DECR2: variants seen among roughly 807,000 people sequenced by gnomAD.
DECR2 encodes the protein 2,4-dienoyl-CoA reductase 2, also known as peroxisomal 2,4-dienoyl-CoA reductase [(3E)-enoyl-CoA-producing].
Under a neutral mutation model 29.2 loss-of-function variants are expected in DECR2, and 34 were observed. The ratio of observed to expected loss-of-function variants is 1.16; its 90% CI spans 0.89 to 1.55. DECR2 has a LOEUF of 1.55. Among genes scored for constraint, DECR2 ranks in the 40% most tolerant of loss-of-function variants. DECR2 has a pLI of 0.00. For synonymous variants in DECR2, 224 were observed against 182.7 expected (o/e 1.23, Z -1.82); for missense variants, 485 against 425.3 (o/e 1.14, Z -1.23).
At chr16:405,528 G>C in intron 2 of DECR2, 7 of 1,304,714 alleles carry the variant, frequency 5.4e-6, no homozygotes, top group Non-Finnish European at 7.1e-6. Context: ...CTGAGGACCA[G>C]ATGGGACATT....
At position 410,282 on chromosome 16, in the gene DECR2, C is replaced by A. The variant is rs2054794902; in HGVS notation, c.377C>A (p.Ser126Tyr). Residue 126 changes from serine to tyrosine, a missense_variant, in exon 5 of 9, where the codon TCC becomes TAC. Transcript: ENST00000219481. The surrounding 1 kb of genome is among the most constrained non-coding windows in gnomAD (Gnocchi z 4.1). ...TTCCTGTGCCCCGCTGGCGCCTTGTCCTTCAACGCCTTCAAGACCGTGATG... is the reference window on the plus strand; with the variant it reads ...TTCCTGTGCCCCGCTGGCGCCTTGTACTTCAACGCCTTCAAGACCGTGATG... ...GNFLCPAGAL[S>Y]FNAFKTVMDI... is the part of the protein sequence containing the mutation. 1.2e-6 allele frequency: 2 copies of A among 1,613,740 alleles called. No homozygotes were observed. Among genetic ancestry groups the A allele is most frequent in the African/African-American group, 2.7e-5 (2 of 75,042 alleles).
In DECR2 at chr16:407,509, G is replaced by GC; in HGVS notation, c.288dup (p.Val97ArgfsTer16). ...CCGAGCGCCCCCAGCTGTCATGGCC[G>GC]CCGTGGACCAGGCTCTGAAGGAGTT... On this transcript the variant is annotated frameshift_variant, in exon 4 of 9. Transcript: ENST00000219481. LOFTEE classifies it high-confidence loss of function. 1 of 1,613,982 alleles carries GC rather than the reference G, an allele frequency of 6.2e-7. No homozygotes were observed. The highest frequency in any genetic ancestry group is 8.5e-7 in the Non-Finnish European group (1 of 1,179,924).
Position 401,890 on chromosome 16 carries a change from C to T in DECR2, c.-74C>T, listed in dbSNP as rs952069797. The T allele has an allele frequency of 1.6e-5, 21 of 1,332,710 alleles. No individual in the cohort carries two copies. The highest frequency in any genetic ancestry group is 2.6e-4 in the Middle Eastern group (1 of 3,778). 82.6% of individuals were successfully genotyped at this position (1,332,710 alleles called of 1,614,324 possible). Reference sequence around the variant, plus strand: ...CGGGGCTCCCGGTTCCAGGCGAGTTCGCAGCTGCGCGCCGGGTCCTGGAGG... The same window carrying T: ...CGGGGCTCCCGGTTCCAGGCGAGTTTGCAGCTGCGCGCCGGGTCCTGGAGG... On this transcript the variant is annotated 5_prime_UTR_variant, in exon 1 of 9. Coordinates refer to ENST00000219481, the MANE Select transcript of DECR2 (RefSeq NM_020664.4).
At position 410,594 on chromosome 16, in the gene DECR2, C is replaced by A; in HGVS notation, c.463-97C>A. On this transcript the variant is annotated intron_variant, in intron 5 of 8. Coordinates refer to ENST00000219481, the MANE Select transcript of DECR2 (RefSeq NM_020664.4). The surrounding 1 kb of genome is among the most constrained non-coding windows in gnomAD (Gnocchi z 4.1). ...GGCCTCCCCCTGACGGCCGCCCGCT[C>A]CCTGCCCCGGGCCTCCCCCTGACAG... 1.4e-6 allele frequency: 2 copies of A among 1,409,194 alleles called. No individual in the cohort carries two copies. The highest frequency in any genetic ancestry group is 1.2e-5 in the South Asian group (1 of 82,038). 87.3% of individuals were successfully genotyped at this position (1,409,194 alleles called of 1,614,324 possible).
rs895106897 is a variant in DECR2 at position 409,417 on chromosome 16, G to T, written c.338-826G>T. ...GATCTCCTGACCTCGTGATCCGCCC[G>T]CCTCAGCCTCCCAAAGTGCTGGGAT... On this transcript the variant is annotated intron_variant, in intron 4 of 8. Coordinates refer to ENST00000219481, the MANE Select transcript of DECR2 (RefSeq NM_020664.4). Among the ~76,000 whole-genome samples, 4 of 150,734 alleles carry T rather than the reference G, an allele frequency of 2.7e-5. No homozygotes were observed. In the East Asian group the frequency reaches 7.8e-4, roughly 29 times the overall value.
At chr16:408,896 A>G (rs1394552509) in intron 4 of DECR2, among the ~76,000 whole-genome samples, 5 of 151,368 alleles carry the variant, frequency 3.3e-5, no homozygotes, top group Non-Finnish European at 7.4e-5. Flanking sequence ...CCATGGTACA[A>G]TCTCAGCTTA....
chr16:408,927 G>A (rs183650273), intron 4 of DECR2, among the ~76,000 whole-genome samples: 1 of 151,830 alleles, frequency 6.6e-6, no homozygotes, highest in East Asian at 1.9e-4. Context: ...CGCCTCCCGG[G>A]TTCAAGCAAT....
At chr16:407,654 CAGGGAACCT>C (rs1221718862) in intron 4 of DECR2, 94 bp downstream of exon 4, 5 of 1,546,404 alleles carry the variant, frequency 3.2e-6, no homozygotes, top group Non-Finnish European at 4.4e-6. Flanking sequence ...GGGACCATGC[CAGGGAACCT>C]AGCTGCCTGT....
In DECR2 at chr16:410,998, G is replaced by C; in HGVS notation, c.583G>C (p.Glu195Gln). The stretch of plus-strand genomic sequence containing the variant: ...CGCGATGACGCGGCACTTGGCTGTG[G>C]AGTGGGGTCCCCAAAACATCCGCGT... ...VDAMTRHLAV[E>Q]WGPQNIRVNS... The change falls in exon 7 of 9, where the codon GAG becomes CAG. Residue 195 changes from glutamate to glutamine, a missense_variant. Physicochemically the swap from Glu to Gln is conservative, Grantham distance 29 (BLOSUM62 2). Transcript: ENST00000219481. The surrounding 1 kb of genome is among the most constrained non-coding windows in gnomAD (Gnocchi z 4.1). 2 of 1,604,064 alleles carry C rather than the reference G, an allele frequency of 1.2e-6. No homozygotes were observed. The highest frequency in any genetic ancestry group is 1.7e-6 in the Non-Finnish European group (2 of 1,175,796).
At position 410,439 on chromosome 16, in the gene DECR2, C is replaced by G; in HGVS notation, c.462+72C>G. 6.3e-7 allele frequency: 1 copy of G among 1,580,074 alleles called. No individual in the cohort carries two copies. Among genetic ancestry groups the G allele is most frequent in the Non-Finnish European group, 8.6e-7 (1 of 1,159,184 alleles). On this transcript the variant is annotated intron_variant, in intron 5 of 8. Coordinates refer to ENST00000219481, the MANE Select transcript of DECR2 (RefSeq NM_020664.4). The surrounding 1 kb of genome is among the most constrained non-coding windows in gnomAD (Gnocchi z 4.1). ...TCGTGCGCTCTGTGAGAAGTTCTTC[C>G]GGGTGGGTGCCTTGTGCGCTCTGTG... is the stretch of plus-strand genomic sequence containing the variant.
At chr16:405,741 C>CCT in intron 2 of DECR2, 3 of 539,640 alleles carry the variant, frequency 5.6e-6, no homozygotes, top group South Asian at 4.9e-5. Flanking sequence ...ATGCTGTTAC[C>CCT]CCCAGGCCCA....
rs1194298719 is a variant in DECR2 at position 404,947 on chromosome 16, T to C, written c.81-9T>C. ...GCTCTTTTAAAAGAGCCTCCTTTTT[T>C]ATTCTCAGGGACAAAGTGGCCTTCA... On this transcript the variant is annotated splice_polypyrimidine_tract_variant and intron_variant, in intron 1 of 8. Coordinates refer to ENST00000219481, the MANE Select transcript of DECR2 (RefSeq NM_020664.4). The C allele has an allele frequency of 1.9e-6, 3 of 1,614,018 alleles. No individual in the cohort carries two copies. The highest frequency in any genetic ancestry group is 3.3e-4 in the Middle Eastern group (2 of 6,054).
At chr16:405,913 A>G (rs2054718618) in intron 2 of DECR2, among the ~76,000 whole-genome samples, 2 of 152,332 alleles carry the variant, frequency 1.3e-5, no homozygotes, top group Non-Finnish European at 1.5e-5. Flanking sequence ...TCCTGGAACC[A>G]GGGTTCATAG....
At chr16:407,235 G>A in intron 3 of DECR2, 190 bp from the exon 4 acceptor site, 1 of 1,408,326 alleles carries the variant, frequency 7.1e-7, no homozygotes, top group Non-Finnish European at 9.2e-7. Flanking sequence ...TGGGGGGAGA[G>A]CGTGGCAGGT....
chr16:408,387 G>GCCTTCTGTCTCTGGCCCTCTGTCTCCC (rs2054769356), intron 4 of DECR2, among the ~76,000 whole-genome samples: 1 of 151,750 alleles, frequency 6.6e-6, no homozygotes, highest in African/African-American at 2.4e-5. Context: ...CTCTGTCTCC[G>GCCTTCTGTCTCTGGCCCTCTGTCTCCC]GCCTGACTCC....
chr16:407,086 C>T (rs1312062049), intron 3 of DECR2: 4 of 1,104,310 alleles, frequency 3.6e-6, no homozygotes, highest in Admixed American at 4.6e-5. Flanking sequence ...TTAGGTGGTC[C>T]GTGCGTCCCA....
At chr16:409,322 C>T (rs1283028530) in intron 4 of DECR2, among the ~76,000 whole-genome samples, 2 of 151,960 alleles carry the variant, frequency 1.3e-5, no homozygotes, top group Admixed American at 1.3e-4. Flanking sequence ...AGGTGCCTGC[C>T]ACCACGCCTG....
chr16:410,879 T>G lies in DECR2; in HGVS notation c.557-93T>G, dbSNP rs1004209444. On this transcript the variant is annotated intron_variant, in intron 6 of 8. Transcript: ENST00000219481. The surrounding 1 kb of genome is among the most constrained non-coding windows in gnomAD (Gnocchi z 4.1). ...GAGGCCAGCAGTCTCCACTTGAAGC[T>G]GAGCCCAGCTGCAGGCAGCGAGACC... 2.1e-5 allele frequency: 32 copies of G among 1,527,692 alleles called. No homozygotes were observed. The African/African-American group carries it at 4.3e-4, about 20-fold the overall frequency. 94.6% of individuals were successfully genotyped at this position (1,527,692 alleles called of 1,614,324 possible). A position where few individuals can be genotyped will look rare whatever the true frequency, so the allele number is the denominator to read the frequency against.
At position 411,520 on chromosome 16, in the gene DECR2, C is replaced by T. The variant is rs371689200; in HGVS notation, c.821C>T (p.Thr274Met). The T allele has an allele frequency of 1.3e-5, 21 of 1,613,942 alleles. No homozygotes were observed. Among genetic ancestry groups the T allele is most frequent in the Admixed American group, 1.7e-5 (1 of 60,002 alleles). ...VLVADGGAWL[T>M]FPNGVKGLPD... ...GTGGCCGATGGCGGGGCATGGTTGA[C>T]GTTCCCAAACGGTGTCAAAGGGCTG... Residue 274 changes from threonine (T) to methionine (M), a missense_variant, in exon 8 of 9, where the codon ACG becomes ATG. Physicochemically the swap from Thr to Met is moderately conservative, Grantham distance 81. Coordinates refer to ENST00000219481, the MANE Select transcript of DECR2 (RefSeq NM_020664.4).
Sources: gnomAD v4.1 joint callset for allele counts (sites outside exome capture counted in the v4.1 genomes callset) on GRCh38, gnomAD v4.1.1 for gene constraint, Gnocchi (gnomAD v3.1) non-coding constraint, MANE v1.5 for transcripts, NCBI Gene and HGNC (gene_info 2026-07-23, HGNC 2026-07-21) for gene names.